ACVR2B: variants seen among roughly 807,000 people sequenced by gnomAD.
The protein encoded by ACVR2B is activin receptor type-2B.
In ACVR2B, 18 loss-of-function variants were observed where a neutral mutation model predicts 65.1. The ratio of observed to expected loss-of-function variants is 0.28; its 90% CI spans 0.19 to 0.41. ACVR2B has a LOEUF of 0.41. Ranked by LOEUF, ACVR2B falls within the 10% of genes least tolerant of loss-of-function variation. The pLI, the probability that ACVR2B is intolerant of heterozygous loss-of-function variation, is 1.00. For missense variants in ACVR2B, 482 were observed against 682.7 expected (o/e 0.71, Z 3.28); for synonymous variants, 298 against 277.7 (o/e 1.07, Z -0.73).
At position 38,478,400 on chromosome 3, in the gene ACVR2B, C is replaced by T; in HGVS notation, c.548C>T (p.Pro183Leu). The T allele has an allele frequency of 6.2e-7, 1 of 1,614,158 alleles. No individual in the cohort carries two copies. ...GACCCTGGGCCTCCACCACCATCCC[C>T]TCTGGTGGGCCTGAAGCCACTGCAG... is the stretch of plus-strand genomic sequence containing the variant. Reference protein sequence around the residue: ...HEDPGPPPPSPLVGLKPLQLL... With the variant: ...HEDPGPPPPSLLVGLKPLQLL... The change falls in exon 5 of 11, where the codon CCT (proline) becomes CTT (leucine). Residue 183 changes from proline (P) to leucine (L), a missense_variant. This residue lies in a region of ACVR2B where 95 missense variants were observed against 91.6 expected (regional missense o/e 1.04). Coordinates refer to ENST00000352511, the MANE Select transcript of ACVR2B (RefSeq NM_001106.4).
intron 1 of ACVR2B, among the ~76,000 whole-genome samples, chr3:38,458,953 G>A (rs1322311282): frequency 1.3e-5 from 2 of 152,112 alleles, no homozygotes; most frequent in African/African-American, 2.4e-5. Context: ...CAGTATCCCC[G>A]CCTCTACCCA....
At chr3:38,461,969 G>A (rs2125713754) in intron 1 of ACVR2B, among the ~76,000 whole-genome samples, 1 of 152,234 alleles carries the variant, frequency 6.6e-6, no homozygotes, top group Admixed American at 6.5e-5. Context: ...AAGGTGGGCG[G>A]ATCACCTGAG....
At position 38,478,253 on chromosome 3, in the gene ACVR2B, G is replaced by A. The variant is rs753608149; in HGVS notation, c.483G>A (p.Arg161=). 1.2e-6 allele frequency: 2 copies of A among 1,614,138 alleles called. No homozygotes were observed. The highest frequency in any genetic ancestry group is 2.2e-5 in the South Asian group (2 of 91,076). Residue 161 remains arginine (R), a synonymous_variant, in exon 4 of 11, where the codon CGG becomes CGA. Transcript: ENST00000352511. ...TCCTGCTGGCCTTTTGGATGTACCG[G>A]CATCGCAAGCCCCCCTACGGTCATG... ...LIVLLAFWMY[R]HRKPPYGHVD... is the part of the protein sequence containing the mutation.
At chr3:38,460,544 T>C (rs1293843630) in intron 1 of ACVR2B, among the ~76,000 whole-genome samples, 6 of 152,212 alleles carry the variant, frequency 3.9e-5, no homozygotes, top group Non-Finnish European at 8.8e-5. Context: ...CCCCATGCTT[T>C]CCCCTGGTTA....
Position 38,483,051 on chromosome 3 carries a change from G to T in ACVR2B, c.1345-87G>T. 1 of 1,491,998 alleles carries T rather than the reference G, an allele frequency of 6.7e-7. No homozygotes were observed. The highest frequency in any genetic ancestry group is 1.1e-5 in the South Asian group (1 of 88,358). The allele number at this position is 1,491,998 out of a possible 1,614,324, so 92.4% of individuals were successfully genotyped here. A position where few individuals can be genotyped will look rare whatever the true frequency, so the allele number is the denominator to read the frequency against. ...CTGGTGGGCTCTGCCTGATCCTTGG[G>T]AATATCAAGTTTACTGTCCCCCAAA... On this transcript the variant is annotated intron_variant, in intron 10 of 10. Transcript: ENST00000352511. The surrounding 1 kb of genome is among the most constrained non-coding windows in gnomAD (Gnocchi z 4.8).
rs1335311697 is a variant in ACVR2B, at chr3:38,490,521, A to G, written c.*7189A>G. 1 of 152,626 alleles carries G rather than the reference A, an allele frequency of 6.6e-6. No individual in the cohort carries two copies. Among genetic ancestry groups the G allele is most frequent in the African/African-American group, 2.4e-5 (1 of 41,426 alleles). 9.5% of individuals were successfully genotyped at this position (152,626 alleles called of 1,614,324 possible). On this transcript the variant is annotated 3_prime_UTR_variant, in exon 11 of 11. Coordinates refer to ENST00000352511, the MANE Select transcript of ACVR2B (RefSeq NM_001106.4). Reference sequence around the variant, plus strand: ...CTGCTCTCCAGCCACGTGTCTTGGAATGTAATTCTGTTGTGCCTTTGTTTT... The same window carrying G: ...CTGCTCTCCAGCCACGTGTCTTGGAGTGTAATTCTGTTGTGCCTTTGTTTT...
chr3:38,463,314 C>A (rs1401863739), intron 1 of ACVR2B, among the ~76,000 whole-genome samples: 2 of 152,184 alleles, frequency 1.3e-5, no homozygotes, highest in African/African-American at 4.8e-5. Context: ...TACTGGCAAG[C>A]CCACTGCATT....
rs568622220 is a variant in ACVR2B, at chr3:38,481,963, G to A, written c.1075-235G>A. ...TTAATTTGGTAACAATTCCATTTTA[G>A]ATTACTATTATCTCCAGGATATAGT... On this transcript the variant is annotated intron_variant, in intron 8 of 10. Coordinates refer to ENST00000352511, the MANE Select transcript of ACVR2B (RefSeq NM_001106.4). This position sits in a 1 kb window ranked among gnomAD's most constrained non-coding sequence, Gnocchi z 4.7. Among the ~76,000 whole-genome samples, 1 of 152,058 alleles carries A rather than the reference G, an allele frequency of 6.6e-6. No homozygotes were observed. The highest frequency in any genetic ancestry group is 1.5e-5 in the Non-Finnish European group (1 of 68,024).
At chr3:38,462,935 C>T (rs1709672578) in intron 1 of ACVR2B, among the ~76,000 whole-genome samples, 1 of 152,140 alleles carries the variant, frequency 6.6e-6, no homozygotes, top group South Asian at 2.1e-4. Flanking sequence ...AGTTGGCTCT[C>T]TGCGGTAATC....
intron 1 of ACVR2B, among the ~76,000 whole-genome samples, chr3:38,473,060 G>A (rs1483735574): frequency 3.3e-5 from 5 of 152,166 alleles, no homozygotes; most frequent in Non-Finnish European, 5.9e-5. Context: ...TGTGAGGGTC[G>A]GGGGTGGTGT....
At chr3:38,454,550 C>T (rs573316060) in intron 1 of ACVR2B, 176 bp downstream of exon 1, 127 of 461,252 alleles carry the variant, frequency 2.8e-4, no homozygotes, top group African/African-American at 2.4e-3. Flanking sequence ...GCTCGCCGAA[C>T]TTGGGGGCAC....
rs1273266583 is a variant in ACVR2B, at chr3:38,454,267, G to C, written c.-56G>C. 4.2e-6 allele frequency: 5 copies of C among 1,196,732 alleles called. No homozygotes were observed. The highest frequency in any genetic ancestry group is 5.2e-6 in the Non-Finnish European group (5 of 964,746). The allele number at this position is 1,196,732 out of a possible 1,614,324, so 74.1% of individuals were successfully genotyped here. On this transcript the variant is annotated 5_prime_UTR_variant, in exon 1 of 11. Coordinates refer to ENST00000352511, the MANE Select transcript of ACVR2B (RefSeq NM_001106.4). Reference sequence around the variant, plus strand: ...CCGCCTGGCCCTGCGCGCCCCGGGAGCGCCGTGCGGCCCTGCCCGCGGGCT... The same window carrying C: ...CCGCCTGGCCCTGCGCGCCCCGGGACCGCCGTGCGGCCCTGCCCGCGGGCT...
At chr3:38,457,875 T>G (rs1308347788) in intron 1 of ACVR2B, among the ~76,000 whole-genome samples, 1 of 152,146 alleles carries the variant, frequency 6.6e-6, no homozygotes, top group African/African-American at 2.4e-5. Context: ...TAGCGGTAGC[T>G]GCCAAGGACA....
At chr3:38,472,765 C>A (rs1004107214) in intron 1 of ACVR2B, among the ~76,000 whole-genome samples, 1 of 152,132 alleles carries the variant, frequency 6.6e-6, no homozygotes, top group African/African-American at 2.4e-5. Flanking sequence ...GGACACTCCA[C>A]CTCTGAACCA....
chr3:38,479,402 C>T (rs976963607), intron 6 of ACVR2B, 131 bp downstream of exon 6: 2 of 1,379,738 alleles, frequency 1.4e-6, no homozygotes, highest in African/African-American at 2.9e-5. Context: ...GCACTATCCA[C>T]TATGGGGTTA....
rs907547745 is a variant in ACVR2B at position 38,484,498 on chromosome 3, C to T, written c.*1166C>T. ...CCCCAGGTGGTGACATTACTGTCCCCGTTCTGTGGCTCGTGGACAAGACTT... is the reference window on the plus strand; with the variant it reads ...CCCCAGGTGGTGACATTACTGTCCCTGTTCTGTGGCTCGTGGACAAGACTT... On this transcript the variant is annotated 3_prime_UTR_variant, in exon 11 of 11. Transcript: ENST00000352511. 1 of 152,186 alleles carries T rather than the reference C, an allele frequency of 6.6e-6. No homozygotes were observed. The highest frequency in any genetic ancestry group is 1.5e-5 in the Non-Finnish European group (1 of 68,034). 9.4% of individuals were successfully genotyped at this position (152,186 alleles called of 1,614,324 possible). A position where few individuals can be genotyped will look rare whatever the true frequency, so the allele number is the denominator to read the frequency against.
At chr3:38,462,926 G>T (rs928416091) in intron 1 of ACVR2B, among the ~76,000 whole-genome samples, 4 of 152,192 alleles carry the variant, frequency 2.6e-5, no homozygotes, top group African/African-American at 9.7e-5. Flanking sequence ...TGATATGGCA[G>T]TTGGCTCTCT....
chr3:38,493,126 AAAT>A lies in ACVR2B; in HGVS notation c.*9803_*9805del, dbSNP rs1470243608. ...TTTTATCTTTTTGTATATGAAAATA[AAAT>A]AATAATAAAACAATCTTGTCTTTCT... On this transcript the variant is annotated 3_prime_UTR_variant, in exon 11 of 11. Coordinates refer to ENST00000352511, the MANE Select transcript of ACVR2B (RefSeq NM_001106.4). 15 of 152,658 alleles carry A rather than the reference AAAT, an allele frequency of 9.8e-5. No individual in the cohort carries two copies. Among genetic ancestry groups the A allele is most frequent in the Admixed American group, 2.0e-4 (3 of 15,284 alleles). 9.5% of individuals were successfully genotyped at this position (152,658 alleles called of 1,614,324 possible). A position where few individuals can be genotyped will look rare whatever the true frequency, so the allele number is the denominator to read the frequency against.
chr3:38,472,618 G>A (rs1709836914), intron 1 of ACVR2B, among the ~76,000 whole-genome samples: 1 of 152,144 alleles, frequency 6.6e-6, no homozygotes, highest in Non-Finnish European at 1.5e-5. Flanking sequence ...CCTGGGGTAG[G>A]TGGCTGCCAA....
Sources: gnomAD v4.1 joint callset for allele counts (sites outside exome capture counted in the v4.1 genomes callset) on GRCh38, gnomAD v4.1.1 for gene constraint, gnomAD v4.1.1 regional missense constraint, Gnocchi (gnomAD v3.1) non-coding constraint, MANE v1.5 for transcripts, NCBI Gene and HGNC (gene_info 2026-07-23, HGNC 2026-07-21) for gene names.